TAFA4: variants seen among roughly 807,000 people sequenced by gnomAD.
TAFA4 encodes the protein TAFA chemokine like family member 4.
In TAFA4, 20 loss-of-function variants were observed where a neutral mutation model predicts 21.1. That is an observed-to-expected ratio of 0.95 (90% CI 0.67 to 1.38). The LOEUF is 1.38. Ranked by LOEUF, TAFA4 falls within the 40% of genes most tolerant of loss-of-function variation. The pLI, the probability that TAFA4 is intolerant of heterozygous loss-of-function variation, is 0.00. For missense variants in TAFA4, 211 were observed against 180.9 expected, an observed-to-expected ratio of 1.17 and a Z score of -0.95; for synonymous variants, 71 against 67.4, an observed-to-expected ratio of 1.05 and a Z score of -0.26.
At chr3:68,918,873 A>T (rs925686224) in intron 1 of TAFA4, among the ~76,000 whole-genome samples, 11 of 151,932 alleles carry the variant, frequency 7.2e-5, no homozygotes, top group Non-Finnish European at 1.5e-5. Context: ...GATTTTTATA[A>T]ACTTTCTGTA....
At chr3:68,928,172 A>G (rs2090126912) in intron 1 of TAFA4, among the ~76,000 whole-genome samples, 1 of 152,234 alleles carries the variant, frequency 6.6e-6, no homozygotes, top group South Asian at 2.1e-4. Context: ...ACTAAAAAAG[A>G]TTCAATGTTG....
At chr3:68,818,565 C>T (rs963922711) in intron 3 of TAFA4, among the ~76,000 whole-genome samples, 4 of 152,158 alleles carry the variant, frequency 2.6e-5, no homozygotes, top group African/African-American at 9.7e-5. Context: ...CAAAAGGAGA[C>T]ACATGTGACT....
intron 3 of TAFA4, among the ~76,000 whole-genome samples, chr3:68,880,424 G>GCACA (rs370982601): frequency 1.4e-4 from 20 of 147,852 alleles, no homozygotes; most frequent in Non-Finnish European, 1.0e-4. Context: ...TGACATGTAT[G>GCACA]CACACACACA....
chr3:68,929,348 T>G (rs572564613), intron 1 of TAFA4, among the ~76,000 whole-genome samples: 8 of 152,366 alleles, frequency 5.3e-5, no homozygotes, highest in Middle Eastern at 3.4e-3. Context: ...TATCTTTGTT[T>G]CCTATTGCCT....
Position 68,783,713 on chromosome 3 carries a change from A to AAAGAAAGAAAGAAAGAAAGAAAGAAAG in TAFA4, c.131-30696_131-30695insCTTTCTTTCTTTCTTTCTTTCTTTCTT, listed in dbSNP as rs1553641278. On this transcript the variant is annotated intron_variant, in intron 3 of 5. Coordinates refer to ENST00000295569, the MANE Select transcript of TAFA4 (RefSeq NM_182522.5). ...AGAGAGAGAGAGAGAGAGAGAAAGA[A>AAAGAAAGAAAGAAAGAAAGAAAGAAAG]AAAGAAAGAAAGAAAGAAAGAAAGA... 1.8e-3 allele frequency among the ~76,000 whole-genome samples: 148 copies of AAAGAAAGAAAGAAAGAAAGAAAGAAAG among 80,792 alleles called. 1 individual carries two copies. The highest frequency in any genetic ancestry group is 5.4e-3 in the East Asian group (9 of 1,664). 53.0% of individuals were successfully genotyped at this position (80,792 alleles called of 152,430 possible).
At chr3:68,798,326 G>C (rs1703497093) in intron 3 of TAFA4, among the ~76,000 whole-genome samples, 1 of 152,112 alleles carries the variant, frequency 6.6e-6, no homozygotes, top group South Asian at 2.1e-4. Context: ...AAATATAAGT[G>C]TCTTGTAATT....
chr3:68,748,722 C>T (rs550700661), intron 4 of TAFA4, among the ~76,000 whole-genome samples: 16 of 137,342 alleles, frequency 1.2e-4, no homozygotes, highest in East Asian at 8.4e-4. Context: ...CCAGCCTGGG[C>T]GAAAAAGCGA....
chr3:68,815,309 A>G (rs1306878846), intron 3 of TAFA4, among the ~76,000 whole-genome samples: 1 of 152,236 alleles, frequency 6.6e-6, no homozygotes, highest in African/African-American at 2.4e-5. Context: ...CAAAATTGAC[A>G]AATGGGATCT....
intron 3 of TAFA4, among the ~76,000 whole-genome samples, chr3:68,832,284 T>A (rs1704416471): frequency 6.6e-6 from 1 of 152,204 alleles, no homozygotes; most frequent in South Asian, 2.1e-4. Context: ...ATTTTCAGCC[T>A]CTCTGCTCTG....
intron 3 of TAFA4, among the ~76,000 whole-genome samples, chr3:68,768,966 G>T (rs373502710): frequency 6.6e-6 from 1 of 152,170 alleles, no homozygotes; most frequent in Non-Finnish European, 1.5e-5. Context: ...GAAGAGATTC[G>T]TCAATGGCTA....
intron 3 of TAFA4, among the ~76,000 whole-genome samples, chr3:68,756,605 G>C (rs935931589): frequency 1.1e-4 from 16 of 152,092 alleles, no homozygotes; most frequent in African/African-American, 3.9e-4. Context: ...CTTCAACGTC[G>C]ATGGCAAGAA....
intron 3 of TAFA4, among the ~76,000 whole-genome samples, chr3:68,834,238 C>A (rs1704468871): frequency 1.3e-5 from 2 of 152,164 alleles, no homozygotes. Flanking sequence ...AAAGAACCTA[C>A]CCTGCTAAGG....
At chr3:68,849,682 G>A (rs762420454) in intron 3 of TAFA4, among the ~76,000 whole-genome samples, 7 of 152,240 alleles carry the variant, frequency 4.6e-5, no homozygotes, top group South Asian at 2.1e-4. Flanking sequence ...TAATCATGAC[G>A]TATAATACAA....
At chr3:68,876,318 A>G (rs539362282) in intron 3 of TAFA4, among the ~76,000 whole-genome samples, 1 of 152,340 alleles carries the variant, frequency 6.6e-6, no homozygotes, top group East Asian at 1.9e-4. Flanking sequence ...CCCTAGTGTC[A>G]GAACTTAGGC....
intron 1 of TAFA4, among the ~76,000 whole-genome samples, chr3:68,907,742 C>G (rs1014702655): frequency 6.6e-6 from 1 of 152,190 alleles, no homozygotes; most frequent in Non-Finnish European, 1.5e-5. Context: ...CCAGGCTACT[C>G]ATGGCATGAA....
Position 68,828,959 on chromosome 3 carries a change from T to C in TAFA4, c.130+51771A>G, listed in dbSNP as rs536667732. 2.8e-4 allele frequency among the ~76,000 whole-genome samples: 43 copies of C among 152,268 alleles called. No individual in the cohort carries two copies. The South Asian group carries it at 8.7e-3, about 31-fold the overall frequency. ...GAGGGCATCCATGTCCTGTGCTGGT[T>C]TTCAAAGGGAATGCAATCCATTTTG... On this transcript the variant is annotated intron_variant, in intron 3 of 5. Transcript: ENST00000295569.
At chr3:68,909,273 C>A (rs1383763252) in intron 1 of TAFA4, among the ~76,000 whole-genome samples, 1 of 152,056 alleles carries the variant, frequency 6.6e-6, no homozygotes, top group Non-Finnish European at 1.5e-5. Flanking sequence ...CTGTTTGCAA[C>A]CCACCGGGCA....
chr3:68,739,400 T>C (rs1445716684), intron 4 of TAFA4, among the ~76,000 whole-genome samples: 2 of 152,002 alleles, frequency 1.3e-5, no homozygotes, highest in Non-Finnish European at 2.9e-5. Flanking sequence ...CAACAGATGT[T>C]GGTGAGAACG....
chr3:68,889,952 A>C (rs1339861614), intron 1 of TAFA4, among the ~76,000 whole-genome samples: 1 of 152,226 alleles, frequency 6.6e-6, no homozygotes, highest in Non-Finnish European at 1.5e-5. Context: ...CATAAAGGAC[A>C]TTATTGAGAA....
Sources: allele counts gnomAD v4.1 joint callset (sites outside exome capture counted in the v4.1 genomes callset), GRCh38; gene constraint gnomAD v4.1.1; transcripts MANE v1.5; gene names NCBI Gene and HGNC (gene_info 2026-07-23, HGNC 2026-07-21).